TEX11: variants seen among roughly 807,000 people sequenced by gnomAD.
TEX11 encodes the protein testis-expressed protein 11.
Under a neutral mutation model 84.4 loss-of-function variants are expected in TEX11, and 7 were observed. The observed-to-expected ratio is 0.08, with a 90% CI of 0.05 to 0.16. The LOEUF is 0.16. Ranked by LOEUF, TEX11 falls within the 10% of genes least tolerant of loss-of-function variation. The pLI, the probability that TEX11 is intolerant of heterozygous loss-of-function variation, is 1.00. For synonymous variants in TEX11, 264 were observed against 222.8 expected (o/e 1.18, Z -1.64); for missense variants, 551 against 660.5 (o/e 0.83, Z 1.82).
At chrX:70,842,932 G>A (rs1412696432) in intron 7 of TEX11, among the ~76,000 whole-genome samples, 3 of 111,365 alleles carry the variant, frequency 2.7e-5, no homozygotes, top group African/African-American at 9.8e-5. Flanking sequence ...GGGATGTGAA[G>A]GACCTCTTCA....
At chrX:70,787,870 A>C (rs1399451815) in intron 9 of TEX11, among the ~76,000 whole-genome samples, 2 of 111,558 alleles carry the variant, frequency 1.8e-5, no homozygotes, top group African/African-American at 6.5e-5. Flanking sequence ...TAGTGTTTCT[A>C]GGCACGATCA....
chrX:70,715,821 C>T (rs1379142631), intron 13 of TEX11, among the ~76,000 whole-genome samples: 1 of 112,173 alleles, frequency 8.9e-6, no homozygotes, highest in Non-Finnish European at 1.9e-5. Flanking sequence ...CAGCTTTGTT[C>T]CATTGCTGGT....
At chrX:70,821,820 G>A (rs2091319593) in intron 8 of TEX11, among the ~76,000 whole-genome samples, 1 of 111,572 alleles carries the variant, frequency 9.0e-6, no homozygotes, top group Non-Finnish European at 1.9e-5. Flanking sequence ...TACACTGTTG[G>A]CAATGTAAAT....
chrX:70,891,282 A>G (rs2091736374), intron 2 of TEX11, among the ~76,000 whole-genome samples: 1 of 112,089 alleles, frequency 8.9e-6, no homozygotes, highest in African/African-American at 3.2e-5. Flanking sequence ...GAGAAACCAG[A>G]GCAGACAAGC....
At chrX:70,616,333 G>T in intron 20 of TEX11, among the ~76,000 whole-genome samples, 1 of 111,919 alleles carries the variant, frequency 8.9e-6, no homozygotes, top group South Asian at 3.7e-4. Context: ...TCTTTTGCTT[G>T]TTAGTAGTTA....
chrX:70,718,390 AG>A (rs982497989), intron 13 of TEX11, among the ~76,000 whole-genome samples: 2 of 112,470 alleles, frequency 1.8e-5, no homozygotes, highest in Non-Finnish European at 3.7e-5. Flanking sequence ...CACCAATTTC[AG>A]CACAGAAAAG....
intron 28 of TEX11, among the ~76,000 whole-genome samples, chrX:70,535,152 T>C (rs1450126522): frequency 8.9e-6 from 1 of 112,580 alleles, no homozygotes; most frequent in Non-Finnish European, 1.9e-5. Context: ...TAGTACTTCA[T>C]TCCTTTCAAT....
At chrX:70,590,995 C>T (rs187352454) in intron 25 of TEX11, among the ~76,000 whole-genome samples, 9,204 of 110,591 alleles carry the variant, frequency 0.083, 851 homozygotes, top group African/African-American at 0.27. Context: ...GTGATCTGTC[C>T]GCCTCGGCCT....
At chrX:70,898,455 A>G (rs2091784910) in intron 2 of TEX11, among the ~76,000 whole-genome samples, 1 of 111,836 alleles carries the variant, frequency 8.9e-6, no homozygotes, top group African/African-American at 3.2e-5. Context: ...GTGAAAAAGC[A>G]CAATGAATTC....
rs143120699 is a variant in TEX11 at position 70,661,887 on chromosome X, C to A, written c.1380+8490G>T. ...ATCTGTACATTACCATCATCAAAGA[C>A]CAAAGGTAGATAAAACCACAAAGAT... On this transcript the variant is annotated intron_variant, in intron 16 of 29. Coordinates refer to ENST00000374333, the MANE Select transcript of TEX11 (RefSeq NM_031276.3). 5.6e-3 allele frequency among the ~76,000 whole-genome samples: 628 copies of A among 111,369 alleles called. 3 individuals carry two copies. Among genetic ancestry groups the A allele is most frequent in the Non-Finnish European group, 9.4e-3 (501 of 53,052 alleles).
chrX:70,664,001 T>G (rs187297439), intron 16 of TEX11, among the ~76,000 whole-genome samples: 43 of 112,210 alleles, frequency 3.8e-4, no homozygotes, highest in African/African-American at 1.3e-3. Flanking sequence ...GTAAATGTTC[T>G]GTAAATAGTA....
At chrX:70,774,060 G>C (rs1048405440) in intron 9 of TEX11, among the ~76,000 whole-genome samples, 4 of 110,217 alleles carry the variant, frequency 3.6e-5, no homozygotes, top group African/African-American at 1.3e-4. Flanking sequence ...CAACAGCACT[G>C]TTCCAGACAG....
chrX:70,836,158 A>G (rs1253840415), intron 7 of TEX11, among the ~76,000 whole-genome samples: 1 of 110,142 alleles, frequency 9.1e-6, no homozygotes, highest in South Asian at 3.9e-4. Flanking sequence ...ATACTCCCCG[A>G]GTTGATCTAT....
At position 70,596,250 on chromosome X, in the gene TEX11, G is replaced by C. The variant is rs184108827; in HGVS notation, c.2068-4427C>G. Among the ~76,000 whole-genome samples, 283 of 111,424 alleles carry C rather than the reference G, an allele frequency of 2.5e-3. 6 individuals carry two copies. The highest frequency in any genetic ancestry group is 0.025 in the Admixed American group (260 of 10,416). On this transcript the variant is annotated intron_variant, in intron 24 of 29. Coordinates refer to ENST00000374333, the MANE Select transcript of TEX11 (RefSeq NM_031276.3). Reference sequence around the variant, plus strand: ...GAATAAGTAGGCAGAAAACCATCAAGGATATAGAACACTTGAACAACACTA... The same window carrying C: ...GAATAAGTAGGCAGAAAACCATCAACGATATAGAACACTTGAACAACACTA...
chrX:70,578,761 CTTCT>C (rs1170651476), intron 25 of TEX11, among the ~76,000 whole-genome samples: 2 of 84,949 alleles, frequency 2.4e-5, no homozygotes, highest in Admixed American at 1.4e-4. Flanking sequence ...AGAAGTTGAA[CTTCT>C]TTTTTTTTTT....
intron 9 of TEX11, among the ~76,000 whole-genome samples, chrX:70,788,554 C>CA (rs746640744): frequency 9.2e-6 from 1 of 109,246 alleles, no homozygotes; most frequent in Non-Finnish European, 1.9e-5. Context: ...TTCCAAAATA[C>CA]AAAAAAAACC....
At chrX:70,556,658 T>C (rs1258292911) in intron 25 of TEX11, among the ~76,000 whole-genome samples, 2 of 111,759 alleles carry the variant, frequency 1.8e-5, no homozygotes, top group Non-Finnish European at 3.8e-5. Flanking sequence ...ATAGTGTTGC[T>C]CATGTCTTCT....
chrX:70,626,751 A>T (rs769922970), intron 18 of TEX11, among the ~76,000 whole-genome samples: 1 of 112,609 alleles, frequency 8.9e-6, no homozygotes, highest in African/African-American at 3.2e-5. Flanking sequence ...GTTTTATTTT[A>T]AAACTTCATG....
At chrX:70,537,552 G>A (rs1232550750) in intron 28 of TEX11, among the ~76,000 whole-genome samples, 1 of 104,360 alleles carries the variant, frequency 9.6e-6, no homozygotes, top group Admixed American at 1.0e-4. Flanking sequence ...AGCAAATAAA[G>A]AAATAAAGAA....
Sources: gnomAD v4.1 joint callset for allele counts (sites outside exome capture counted in the v4.1 genomes callset) on GRCh38, gnomAD v4.1.1 for gene constraint, MANE v1.5 for transcripts, NCBI Gene and HGNC (gene_info 2026-07-23, HGNC 2026-07-21) for gene names.